PDIA5: variants seen among roughly 807,000 people sequenced by gnomAD.
PDIA5 encodes protein disulfide-isomerase A5.
A neutral mutation model predicts 77.6 loss-of-function variants in PDIA5; 58 were observed. The ratio of observed to expected loss-of-function variants is 0.75; its 90% CI spans 0.61 to 0.93. The LOEUF (loss-of-function observed/expected upper bound fraction) is 0.93. Ranked by LOEUF, PDIA5 falls within the 40% of genes least tolerant of loss-of-function variation. The pLI is 0.00. For missense variants in PDIA5, 630 were observed against 647.7 expected, an observed-to-expected ratio of 0.97 and a Z score of 0.30; for synonymous variants, 250 against 252.1, an observed-to-expected ratio of 0.99 and a Z score of 0.08.
intron 8 of PDIA5, among the ~76,000 whole-genome samples, chr3:123,121,349 C>T (rs1248721443): frequency 6.6e-6 from 1 of 152,232 alleles, no homozygotes; most frequent in Non-Finnish European, 1.5e-5. Context: ...TGAGTGGCCC[C>T]AAGCATGCAG....
Position 123,116,260 on chromosome 3 carries a change from C to T in PDIA5, c.571C>T (p.His191Tyr). 6.2e-7 allele frequency: 1 copy of T among 1,614,010 alleles called. No individual in the cohort carries two copies. Among genetic ancestry groups the T allele is most frequent in the Non-Finnish European group, 8.5e-7 (1 of 1,179,976 alleles). The change falls in exon 8 of 17, where the codon CAT (histidine) becomes TAT (tyrosine). Residue 191 changes from histidine to tyrosine, a missense_variant. Transcript: ENST00000316218. ...WCSMCKRMMP[H>Y]FQKAATQLRG... is the part of the protein sequence containing the mutation. ...CAGCATGTGCAAGAGGATGATGCCG[C>T]ATTTCCAGAAGGCTGCGACTCAGCT...
intron 10 of PDIA5, among the ~76,000 whole-genome samples, chr3:123,129,092 C>T (rs1401877302): frequency 6.6e-6 from 1 of 152,096 alleles, no homozygotes; most frequent in Non-Finnish European, 1.5e-5. Flanking sequence ...CCTTCAGATG[C>T]ACATAATTTT....
intron 6 of PDIA5, among the ~76,000 whole-genome samples, chr3:123,108,466 C>T (rs1934787941): frequency 6.6e-6 from 1 of 150,870 alleles, no homozygotes; most frequent in South Asian, 2.1e-4. Context: ...CTTTAGTAGA[C>T]ATGGGTTTTC....
intron 15 of PDIA5, among the ~76,000 whole-genome samples, chr3:123,161,057 A>G (rs967762804): frequency 1.3e-5 from 2 of 152,104 alleles, no homozygotes; most frequent in Non-Finnish European, 2.9e-5. Flanking sequence ...TTCCTTTACG[A>G]TCATCATACT....
intron 6 of PDIA5, among the ~76,000 whole-genome samples, chr3:123,107,256 G>C (rs1009870737): frequency 6.6e-6 from 1 of 152,138 alleles, no homozygotes; most frequent in African/African-American, 2.4e-5. Flanking sequence ...ACTTGAGGCA[G>C]ATCTCTACAA....
intron 11 of PDIA5, among the ~76,000 whole-genome samples, chr3:123,131,804 G>A (rs1367731254): frequency 2.0e-5 from 3 of 151,850 alleles, no homozygotes; most frequent in Non-Finnish European, 4.4e-5. Context: ...TTCCAAGAGG[G>A]ACAAGGCTGC....
chr3:123,128,689 T>G (rs780997896), intron 10 of PDIA5, among the ~76,000 whole-genome samples: 1 of 152,022 alleles, frequency 6.6e-6, no homozygotes, highest in African/African-American at 2.4e-5. Context: ...TTTTATTTCA[T>G]ATTTTTGTAG....
At chr3:123,068,527 G>C (rs1576428145) in intron 1 of PDIA5, among the ~76,000 whole-genome samples, 1 of 152,176 alleles carries the variant, frequency 6.6e-6, no homozygotes, top group Admixed American at 6.5e-5. Flanking sequence ...GGTCTGGGCG[G>C]GTCTCTGGGC....
At chr3:123,114,994 G>A (rs1385174618) in intron 7 of PDIA5, among the ~76,000 whole-genome samples, 1 of 152,188 alleles carries the variant, frequency 6.6e-6, no homozygotes, top group East Asian at 1.9e-4. Context: ...GGTAGGCTTG[G>A]TGCTGGGGAG....
intron 1 of PDIA5, among the ~76,000 whole-genome samples, chr3:123,081,463 T>C (rs1232234362): frequency 6.6e-6 from 1 of 152,248 alleles, no homozygotes; most frequent in Non-Finnish European, 1.5e-5. Flanking sequence ...CAGGTCTTCC[T>C]CTTTTCCCTG....
intron 7 of PDIA5, among the ~76,000 whole-genome samples, chr3:123,112,088 T>C (rs1934876293): frequency 6.6e-6 from 1 of 152,138 alleles, no homozygotes; most frequent in African/African-American, 2.4e-5. Flanking sequence ...AAGCCTCAAA[T>C]ATTCACTGTC....
chr3:123,131,478 C>G (rs1397835520), intron 11 of PDIA5, among the ~76,000 whole-genome samples: 2 of 151,300 alleles, frequency 1.3e-5, no homozygotes, highest in Non-Finnish European at 2.9e-5. Flanking sequence ...AAGATATTAT[C>G]TAGGGCAGTA....
At chr3:123,078,103 C>T (rs527873097) in intron 1 of PDIA5, among the ~76,000 whole-genome samples, 33 of 152,262 alleles carry the variant, frequency 2.2e-4, no homozygotes, top group African/African-American at 5.8e-4. Flanking sequence ...CCACCGTGCC[C>T]GGCCTAAAAT....
intron 15 of PDIA5, 79 bp from the exon 16 acceptor site, chr3:123,161,242 A>G: frequency 6.9e-7 from 1 of 1,446,492 alleles, no homozygotes; most frequent in East Asian, 2.3e-5. Flanking sequence ...GACGTGGACT[A>G]GATGTGCAAT....
In PDIA5 at chr3:123,155,545, G is replaced by A. The variant is rs370845996; in HGVS notation, c.1344+504G>A. On this transcript the variant is annotated intron_variant, in intron 15 of 16. Coordinates refer to ENST00000316218, the MANE Select transcript of PDIA5 (RefSeq NM_006810.4). Reference sequence around the variant, plus strand: ...ATTAGAGTGCAGGGCCTCCAGGCGCGTCCCCCAGGCACATCCCCCAGGCAG... The same window carrying A: ...ATTAGAGTGCAGGGCCTCCAGGCGCATCCCCCAGGCACATCCCCCAGGCAG... Among the ~76,000 whole-genome samples, 135 of 152,292 alleles carry A rather than the reference G, an allele frequency of 8.9e-4. 5 individuals carry two copies. Among genetic ancestry groups the A allele is most frequent in the Non-Finnish European group, 2.8e-4 (19 of 68,024 alleles).
chr3:123,143,206 A>T (rs1350188212), intron 11 of PDIA5, among the ~76,000 whole-genome samples: 4 of 151,914 alleles, frequency 2.6e-5, no homozygotes, highest in Non-Finnish European at 5.9e-5. Context: ...TAACACAGTG[A>T]AACCCCATCT....
intron 1 of PDIA5, among the ~76,000 whole-genome samples, chr3:123,077,710 A>G (rs1933891176): frequency 6.6e-6 from 1 of 151,766 alleles, no homozygotes; most frequent in Non-Finnish European, 1.5e-5. Flanking sequence ...TTAGGCCTTC[A>G]CTCCTTATGA....
chr3:123,087,888 G>A (rs1226310553), intron 1 of PDIA5, among the ~76,000 whole-genome samples: 1 of 152,158 alleles, frequency 6.6e-6, no homozygotes, highest in Non-Finnish European at 1.5e-5. Context: ...ACTGTCTTTA[G>A]GTTGTTTTTC....
intron 6 of PDIA5, among the ~76,000 whole-genome samples, chr3:123,110,095 G>A (rs1007746562): frequency 1.3e-5 from 2 of 152,190 alleles, no homozygotes; most frequent in African/African-American, 4.8e-5. Context: ...TTATCATCGT[G>A]CTTCACTGCA....
Sources: gnomAD v4.1 joint callset for allele counts (sites outside exome capture counted in the v4.1 genomes callset) on GRCh38, gnomAD v4.1.1 for gene constraint, MANE v1.5 for transcripts, NCBI Gene and HGNC (gene_info 2026-07-23, HGNC 2026-07-21) for gene names.